FAM110B: variants seen among roughly 807,000 people sequenced by gnomAD.
FAM110B encodes protein FAM110B.
A neutral mutation model predicts 20.4 loss-of-function variants in FAM110B; 6 were observed. The ratio of observed to expected loss-of-function variants is 0.29; its 90% CI spans 0.16 to 0.58. The LOEUF is 0.58. Ranked by LOEUF, FAM110B falls within the 20% of genes least tolerant of loss-of-function variation. The pLI, the probability that FAM110B is intolerant of heterozygous loss-of-function variation, is 0.90. For missense variants in FAM110B, 434 were observed against 498.2 expected (o/e 0.87, Z 1.23); for synonymous variants, 226 against 214.1 (o/e 1.06, Z -0.49).
chr8:58,057,759 A>G (rs537583593), intron 2 of FAM110B, among the ~76,000 whole-genome samples: 1 of 152,364 alleles, frequency 6.6e-6, no homozygotes, highest in Non-Finnish European at 1.5e-5. Context: ...CAACTGTAAA[A>G]TGGTGACAGT....
At chr8:58,064,581 GGA>G (rs1241452104) in intron 2 of FAM110B, among the ~76,000 whole-genome samples, 4 of 152,040 alleles carry the variant, frequency 2.6e-5, no homozygotes, top group Admixed American at 2.6e-4. Flanking sequence ...TCTTTTTCAG[GGA>G]GAGTGTCAGT....
intron 3 of FAM110B, among the ~76,000 whole-genome samples, chr8:58,119,401 A>C (rs572666240): frequency 6.6e-6 from 1 of 152,160 alleles, no homozygotes; most frequent in Non-Finnish European, 1.5e-5. Context: ...CACCCCCGTA[A>C]GCCTCTTTTA....
In FAM110B at chr8:58,102,275, G is replaced by A. The variant is rs908386623; in HGVS notation, c.-325+26652G>A. 1.7e-4 allele frequency among the ~76,000 whole-genome samples: 26 copies of A among 152,138 alleles called. 1 individual carries two copies. The highest frequency in any genetic ancestry group is 5.1e-4 in the African/African-American group (21 of 41,424). Reference sequence around the variant, plus strand: ...GAACTTGGAAAAGCTAACACAGAGCGGCAAAGGGTATTCCCCAAACCTTAA... The same window carrying A: ...GAACTTGGAAAAGCTAACACAGAGCAGCAAAGGGTATTCCCCAAACCTTAA... On this transcript the variant is annotated intron_variant, in intron 3 of 3. Coordinates refer to ENST00000519262, the MANE Select transcript of FAM110B (RefSeq NM_001377989.1).
At chr8:57,998,694 A>T (rs1359461776) in intron 1 of FAM110B, among the ~76,000 whole-genome samples, 1 of 152,244 alleles carries the variant, frequency 6.6e-6, no homozygotes, top group Non-Finnish European at 1.5e-5. Context: ...AAGTTATGGG[A>T]TGATTTGCAT....
intron 3 of FAM110B, among the ~76,000 whole-genome samples, chr8:58,118,871 C>G (rs529346531): frequency 2.0e-5 from 3 of 152,196 alleles, no homozygotes; most frequent in Non-Finnish European, 4.4e-5. Context: ...AAAAGCCACT[C>G]AACCATATTC....
In FAM110B at chr8:58,033,764, AT is replaced by A. The variant is rs1173688782; in HGVS notation, c.-414+2062del. On this transcript the variant is annotated intron_variant, in intron 2 of 3. Transcript: ENST00000519262. ...GCTATTATTAAAAAGTTAAAAAAAA[AT>A]AGTTTTATTTTTCAGTGTTTTTTCA... Among the ~76,000 whole-genome samples the A allele has an allele frequency of 4.6e-5, 7 of 152,222 alleles. No homozygotes were observed. In the South Asian group the frequency reaches 1.0e-3, roughly 23 times the overall value.
chr8:58,088,947 A>T (rs909638262), intron 3 of FAM110B, among the ~76,000 whole-genome samples: 2 of 152,218 alleles, frequency 1.3e-5, no homozygotes, highest in African/African-American at 4.8e-5. Flanking sequence ...CTTTGACAGG[A>T]TAAGAGACTA....
intron 3 of FAM110B, among the ~76,000 whole-genome samples, chr8:58,101,268 T>C (rs990348080): frequency 6.6e-6 from 1 of 152,210 alleles, no homozygotes; most frequent in African/African-American, 2.4e-5. Flanking sequence ...TGATCTTGTG[T>C]TTGGATCAAA....
rs111990108 is a variant in FAM110B at position 58,111,163 on chromosome 8, C to G, written c.-324-34744C>G. Reference sequence around the variant, plus strand: ...ATGTACAAGCCTGTGAATCTCTTTTCCCAAACATAAAGCAAACTTCCAAAT... The same window carrying G: ...ATGTACAAGCCTGTGAATCTCTTTTGCCAAACATAAAGCAAACTTCCAAAT... On this transcript the variant is annotated intron_variant, in intron 3 of 3. Coordinates refer to ENST00000519262, the MANE Select transcript of FAM110B (RefSeq NM_001377989.1). Among the ~76,000 whole-genome samples the G allele has an allele frequency of 5.1e-3, 769 of 152,210 alleles. 7 individuals carry two copies. Among genetic ancestry groups the G allele is most frequent in the African/African-American group, 0.017 (698 of 41,544 alleles).
chr8:58,036,342 T>C (rs762988912), intron 2 of FAM110B, among the ~76,000 whole-genome samples: 2 of 152,194 alleles, frequency 1.3e-5, no homozygotes, highest in Non-Finnish European at 2.9e-5. Flanking sequence ...CAGCCAGACA[T>C]TTTATATTCT....
chr8:58,090,629 A>G (rs1163940621), intron 3 of FAM110B, among the ~76,000 whole-genome samples: 3 of 152,122 alleles, frequency 2.0e-5, no homozygotes, highest in Non-Finnish European at 4.4e-5. Flanking sequence ...CAGATTTTCA[A>G]CTGCATGGGG....
At position 58,147,106 on chromosome 8, in the gene FAM110B, A is replaced by G; in HGVS notation, c.876A>G (p.Gly292=). Residue 292 remains glycine (G), a synonymous_variant, in exon 4 of 4, where the codon GGA becomes GGG. Coordinates refer to ENST00000519262, the MANE Select transcript of FAM110B (RefSeq NM_001377989.1). ...GLDPEELENL[G]MENFARANSD... is the part of the protein sequence containing the mutation. ...ACCCGGAAGAGCTGGAAAACCTGGG[A>G]ATGGAAAACTTTGCAAGGGCTAATT... is the stretch of plus-strand genomic sequence containing the variant. 6.2e-7 allele frequency: 1 copy of G among 1,614,186 alleles called. No homozygotes were observed.
chr8:58,014,977 T>G (rs1225188514), intron 1 of FAM110B, among the ~76,000 whole-genome samples: 1 of 152,230 alleles, frequency 6.6e-6, no homozygotes, highest in African/African-American at 2.4e-5. Flanking sequence ...ACAAAATAAC[T>G]TTCTTTTCTT....
chr8:58,015,714 G>A (rs565605752), intron 1 of FAM110B, among the ~76,000 whole-genome samples: 1 of 151,448 alleles, frequency 6.6e-6, no homozygotes, highest in African/African-American at 2.4e-5. Flanking sequence ...GTGTGGTGGT[G>A]TGTGCCTGTA....
chr8:58,099,787 A>G (rs1342412653), intron 3 of FAM110B, among the ~76,000 whole-genome samples: 9 of 152,140 alleles, frequency 5.9e-5, no homozygotes, highest in Admixed American at 5.9e-4. Context: ...ATTTTATTAC[A>G]GTATTTCTTA....
intron 1 of FAM110B, among the ~76,000 whole-genome samples, chr8:58,018,652 A>G (rs970927691): frequency 8.5e-5 from 13 of 152,128 alleles, no homozygotes; most frequent in African/African-American, 2.9e-4. Flanking sequence ...TTTTAAGTCT[A>G]TTACCCTATT....
chr8:58,003,632 T>C (rs1804344690), intron 1 of FAM110B, among the ~76,000 whole-genome samples: 1 of 152,248 alleles, frequency 6.6e-6, no homozygotes, highest in African/African-American at 2.4e-5. Context: ...TGTACATCTC[T>C]ATCAGAGCTT....
At chr8:58,084,552 G>A (rs1247235100) in intron 3 of FAM110B, among the ~76,000 whole-genome samples, 1 of 152,054 alleles carries the variant, frequency 6.6e-6, no homozygotes, top group African/African-American at 2.4e-5. Flanking sequence ...ACCATGCCCA[G>A]CTAATTTTTG....
intron 2 of FAM110B, among the ~76,000 whole-genome samples, chr8:58,048,614 T>C (rs1805377108): frequency 6.6e-6 from 1 of 152,266 alleles, no homozygotes; most frequent in Non-Finnish European, 1.5e-5. Flanking sequence ...TTTTATATTA[T>C]GAATTTTTAA....
Sources: allele counts gnomAD v4.1 joint callset (sites outside exome capture counted in the v4.1 genomes callset), GRCh38; gene constraint gnomAD v4.1.1; transcripts MANE v1.5; gene names NCBI Gene and HGNC (gene_info 2026-07-23, HGNC 2026-07-21).